AGBL4: variants seen among roughly 807,000 people sequenced by gnomAD.
AGBL4 encodes the protein cytosolic carboxypeptidase 6.
A neutral mutation model predicts 66.4 loss-of-function variants in AGBL4; 58 were observed. The observed-to-expected ratio is 0.87, with a 90% CI of 0.71 to 1.09. The LOEUF is 1.09. Among genes scored for constraint, AGBL4 ranks in the 50% least tolerant of loss-of-function variants. The pLI is 0.00. For missense variants in AGBL4, 579 were observed against 631.0 expected, an observed-to-expected ratio of 0.92 and a Z score of 0.88; for synonymous variants, 234 against 222.9, an observed-to-expected ratio of 1.05 and a Z score of -0.44.
At chr1:49,771,795 T>C (rs1336180928) in intron 2 of AGBL4, among the ~76,000 whole-genome samples, 1 of 152,042 alleles carries the variant, frequency 6.6e-6, no homozygotes, top group South Asian at 2.1e-4. Flanking sequence ...TTATCTGATA[T>C]AAGTATGGCT....
intron 3 of AGBL4, among the ~76,000 whole-genome samples, chr1:49,565,609 T>C (rs1281815269): frequency 1.3e-5 from 2 of 152,236 alleles, no homozygotes; most frequent in Non-Finnish European, 2.9e-5. Flanking sequence ...AATTCTTTTC[T>C]TTAAGAGTGT....
intron 6 of AGBL4, among the ~76,000 whole-genome samples, chr1:48,699,384 T>C (rs1384874158): frequency 1.3e-5 from 2 of 152,238 alleles, no homozygotes; most frequent in East Asian, 3.8e-4. Flanking sequence ...GTTTGAATAT[T>C]ATCATTTTTA....
At chr1:48,639,132 T>G (rs1023125355) in intron 8 of AGBL4, among the ~76,000 whole-genome samples, 4 of 152,226 alleles carry the variant, frequency 2.6e-5, no homozygotes, top group African/African-American at 9.6e-5. Flanking sequence ...AGATCCAGCC[T>G]GCTAATAAAA....
intron 3 of AGBL4, among the ~76,000 whole-genome samples, chr1:49,262,147 A>C (rs1208942208): frequency 1.3e-5 from 2 of 152,228 alleles, no homozygotes; most frequent in Non-Finnish European, 2.9e-5. Flanking sequence ...TACACCTTAT[A>C]CAAAAATCAA....
chr1:49,875,009 T>C (rs1028798743), intron 1 of AGBL4, among the ~76,000 whole-genome samples: 3 of 126,050 alleles, frequency 2.4e-5, no homozygotes, highest in African/African-American at 9.1e-5. Context: ...CAGAGTGTGA[T>C]GTTCCCCTTC....
At chr1:49,568,521 A>ACACT (rs1242421960) in intron 3 of AGBL4, among the ~76,000 whole-genome samples, 4 of 151,712 alleles carry the variant, frequency 2.6e-5, no homozygotes, top group African/African-American at 7.3e-5. Context: ...ACACACACAC[A>ACACT]CAAATGCCAT....
chr1:48,761,255 G>A, intron 6 of AGBL4: 1 of 1,393,452 alleles, frequency 7.2e-7, no homozygotes, highest in Non-Finnish European at 9.6e-7. Flanking sequence ...CATGGGGAGA[G>A]GAAGCCAGAC....
At chr1:49,550,120 T>A (rs552616505) in intron 3 of AGBL4, among the ~76,000 whole-genome samples, 1 of 152,326 alleles carries the variant, frequency 6.6e-6, no homozygotes, top group South Asian at 2.1e-4. Flanking sequence ...ACATTTGGTG[T>A]TCATATGCAT....
intron 3 of AGBL4, among the ~76,000 whole-genome samples, chr1:49,441,985 C>T (rs938984354): frequency 1.3e-5 from 2 of 152,194 alleles, no homozygotes; most frequent in East Asian, 3.8e-4. Context: ...CCCAATTTGT[C>T]AGCAGCAGAG....
intron 1 of AGBL4, among the ~76,000 whole-genome samples, chr1:49,930,137 C>G (rs1209178149): frequency 6.6e-6 from 1 of 151,890 alleles, no homozygotes; most frequent in African/African-American, 2.4e-5. Flanking sequence ...ACTGAAATCA[C>G]TATAGACTCT....
At chr1:49,685,869 G>A (rs1401520036) in intron 3 of AGBL4, among the ~76,000 whole-genome samples, 1 of 152,096 alleles carries the variant, frequency 6.6e-6, no homozygotes, top group Non-Finnish European at 1.5e-5. Context: ...TGCTGATGGT[G>A]TATTTTGCTA....
At chr1:49,870,343 T>C (rs969323545) in intron 1 of AGBL4, among the ~76,000 whole-genome samples, 3 of 152,068 alleles carry the variant, frequency 2.0e-5, no homozygotes, top group African/African-American at 7.2e-5. Context: ...TGGAGGACAA[T>C]TGTACAATAC....
chr1:50,012,547 A>C (rs1275942700), intron 1 of AGBL4, among the ~76,000 whole-genome samples: 1 of 152,194 alleles, frequency 6.6e-6, no homozygotes, highest in Non-Finnish European at 1.5e-5. Flanking sequence ...ATATAAGAAC[A>C]TTTAGCTTGC....
chr1:49,713,991 C>T (rs144878399), intron 2 of AGBL4, among the ~76,000 whole-genome samples: 133 of 152,070 alleles, frequency 8.7e-4, no homozygotes, highest in African/African-American at 3.1e-3. Flanking sequence ...CCAAACACTC[C>T]TAACTGCACT....
intron 3 of AGBL4, among the ~76,000 whole-genome samples, chr1:49,586,702 G>A (rs977169451): frequency 3.3e-5 from 5 of 151,954 alleles, no homozygotes; most frequent in Non-Finnish European, 5.9e-5. Context: ...TATTCCAAGG[G>A]CAGTGCTCTT....
intron 3 of AGBL4, among the ~76,000 whole-genome samples, chr1:49,269,804 T>C (rs1377643170): frequency 2.0e-5 from 3 of 152,170 alleles, no homozygotes; most frequent in African/African-American, 7.2e-5. Context: ...CGTTAATAAA[T>C]TTATAATCCT....
intron 2 of AGBL4, among the ~76,000 whole-genome samples, chr1:49,799,760 G>A (rs1360261161): frequency 2.0e-5 from 3 of 152,140 alleles, no homozygotes; most frequent in Non-Finnish European, 4.4e-5. Context: ...AAGACATTCT[G>A]AGTCTGCCTC....
At chr1:49,494,471 A>G (rs1416760892) in intron 3 of AGBL4, among the ~76,000 whole-genome samples, 1 of 151,302 alleles carries the variant, frequency 6.6e-6, no homozygotes, top group Non-Finnish European at 1.5e-5. Flanking sequence ...TCCCCTTCCT[A>G]TGTCCATGTG....
intron 3 of AGBL4, among the ~76,000 whole-genome samples, chr1:49,621,984 G>C (rs553185940): frequency 7.2e-5 from 11 of 152,222 alleles, no homozygotes; most frequent in Admixed American, 7.2e-4. Context: ...ATCCTGAATG[G>C]AAAAGACTCA....
Sources: gnomAD v4.1 joint callset for allele counts (sites outside exome capture counted in the v4.1 genomes callset) on GRCh38, gnomAD v4.1.1 for gene constraint, MANE v1.5 for transcripts, NCBI Gene and HGNC (gene_info 2026-07-23, HGNC 2026-07-21) for gene names.